Variants in GULP1 observed in about 807,000 individuals in gnomAD.
GULP1 encodes PTB domain-containing engulfment adapter protein 1.
Under a neutral mutation model 40.9 loss-of-function variants are expected in GULP1, and 19 were observed. The observed-to-expected ratio is 0.46, with a 90% CI of 0.32 to 0.68. The LOEUF (loss-of-function observed/expected upper bound fraction) is 0.68, where lower values mean the gene tolerates loss of function less well. Ranked by LOEUF, GULP1 falls within the 30% of genes least tolerant of loss-of-function variation. The pLI, the probability that GULP1 is intolerant of heterozygous loss-of-function variation, is 0.03. For synonymous variants in GULP1, 119 were observed against 117.6 expected (o/e 1.01, Z -0.08); for missense variants, 312 against 362.2 (o/e 0.86, Z 1.12).
chr2:188,526,105 A>G (rs1307901427), intron 5 of GULP1, among the ~76,000 whole-genome samples: 12 of 152,180 alleles, frequency 7.9e-5, no homozygotes, highest in Admixed American at 5.2e-4. Context: ...ATTATATAAT[A>G]AGATTGAAAC....
chr2:188,555,030 G>A (rs1053900805), intron 7 of GULP1, among the ~76,000 whole-genome samples: 1 of 151,966 alleles, frequency 6.6e-6, no homozygotes, highest in African/African-American at 2.4e-5. Flanking sequence ...GTCTATATGT[G>A]CCTATACTGG....
At chr2:188,458,402 T>C (rs1055470254) in intron 2 of GULP1, among the ~76,000 whole-genome samples, 9 of 152,190 alleles carry the variant, frequency 5.9e-5, no homozygotes, top group Non-Finnish European at 8.8e-5. Flanking sequence ...TCTGTTTCCA[T>C]TTAAAGCAAA....
At chr2:188,371,697 TAAGC>T (rs1051077467) in intron 1 of GULP1, among the ~76,000 whole-genome samples, 20 of 152,150 alleles carry the variant, frequency 1.3e-4, no homozygotes, top group African/African-American at 4.3e-4. Context: ...ATAATTAAGT[TAAGC>T]AAGCATTTAA....
chr2:188,300,798 A>G (rs575394259), intron 1 of GULP1, among the ~76,000 whole-genome samples: 1 of 152,312 alleles, frequency 6.6e-6, no homozygotes, highest in Non-Finnish European at 1.5e-5. Context: ...AAATCAGTTT[A>G]GTAGGTCTGG....
At chr2:188,294,589 AAAACAAACAAAC>A (rs764007504) in intron 1 of GULP1, among the ~76,000 whole-genome samples, 1 of 152,008 alleles carries the variant, frequency 6.6e-6, no homozygotes, top group South Asian at 2.1e-4. Flanking sequence ...TTAAATGGTT[AAAACAAACAAAC>A]AAACAAACAA....
At position 188,554,362 on chromosome 2, in the gene GULP1, AT is replaced by A. The variant is rs544742162; in HGVS notation, c.399+13053del. Reference sequence around the variant, plus strand: ...GTTTATGTTTCCATTTGTTTCAAGAATTTTTTTTTATTTCCATCTTAATTTC... The same window carrying A: ...GTTTATGTTTCCATTTGTTTCAAGAATTTTTTTTATTTCCATCTTAATTTC... On this transcript the variant is annotated intron_variant, in intron 7 of 11. Coordinates refer to ENST00000409830, the MANE Select transcript of GULP1 (RefSeq NM_016315.4). Among the ~76,000 whole-genome samples, 6 of 151,066 alleles carry A rather than the reference AT, an allele frequency of 4.0e-5. No individual in the cohort carries two copies. The East Asian group carries it at 7.8e-4, about 20-fold the overall frequency.
intron 2 of GULP1, among the ~76,000 whole-genome samples, chr2:188,422,167 G>T (rs2055527346): frequency 7.4e-6 from 1 of 134,346 alleles, no homozygotes; most frequent in African/African-American, 2.8e-5. Flanking sequence ...CAATCATGTT[G>T]TATATCTTTT....
chr2:188,355,460 A>C (rs1358298404), intron 1 of GULP1, among the ~76,000 whole-genome samples: 1 of 152,046 alleles, frequency 6.6e-6, no homozygotes, highest in Non-Finnish European at 1.5e-5. Context: ...AGAATATAGA[A>C]TCTATCAAGA....
At chr2:188,434,327 C>T (rs1367371662) in intron 2 of GULP1, among the ~76,000 whole-genome samples, 2 of 146,834 alleles carry the variant, frequency 1.4e-5, no homozygotes, top group East Asian at 2.0e-4. Flanking sequence ...GTTTCTTTTT[C>T]TTTTTTTTTT....
rs368030709 is a variant in GULP1, at chr2:188,396,217, G to A, written c.-45+12328G>A. On this transcript the variant is annotated intron_variant, in intron 2 of 11. Transcript: ENST00000409830. The stretch of plus-strand genomic sequence containing the variant: ...TCTGGTTTCTTAGGCAATTGGTGGG[G>A]TCATAGAACTGCCAAAATTTCTGTC... Among the ~76,000 whole-genome samples, 23 of 152,290 alleles carry A rather than the reference G, an allele frequency of 1.5e-4. No homozygotes were observed. In the East Asian group the frequency reaches 4.3e-3, roughly 28 times the overall value.
intron 7 of GULP1, among the ~76,000 whole-genome samples, chr2:188,557,284 A>C (rs1441417119): frequency 6.6e-6 from 1 of 152,206 alleles, no homozygotes. Context: ...CATCTGAGAC[A>C]AGGGAAGTCC....
rs138333772 is a variant in GULP1 at position 188,521,728 on chromosome 2, G to C, written c.91-1028G>C. Among the ~76,000 whole-genome samples the C allele has an allele frequency of 4.3e-4, 65 of 152,258 alleles. 1 individual carries two copies. The East Asian group carries it at 6.4e-3, about 15-fold the overall frequency. On this transcript the variant is annotated intron_variant, in intron 4 of 11. Coordinates refer to ENST00000409830, the MANE Select transcript of GULP1 (RefSeq NM_016315.4). ...GGAGCTACAATTCAAGATGAGATTT[G>C]GGTGAGGACACAGTCAAACCATATC...
chr2:188,542,568 A>T (rs1455691623), intron 7 of GULP1, among the ~76,000 whole-genome samples: 5 of 152,144 alleles, frequency 3.3e-5, no homozygotes, highest in Non-Finnish European at 7.4e-5. Flanking sequence ...TAATGTGCTA[A>T]GCTACTAGAT....
At chr2:188,445,384 A>G (rs2058298458) in intron 2 of GULP1, among the ~76,000 whole-genome samples, 1 of 152,168 alleles carries the variant, frequency 6.6e-6, no homozygotes, top group African/African-American at 2.4e-5. Flanking sequence ...ATGGCAGGAG[A>G]CCCAAATGGC....
chr2:188,454,842 G>A (rs11693105), intron 2 of GULP1, among the ~76,000 whole-genome samples: 1,693 of 152,162 alleles, frequency 0.011, 13 homozygotes, highest in Non-Finnish European at 0.019. Context: ...GAAAACCTTC[G>A]GCTGGGCATG....
At chr2:188,352,181 T>G (rs1485335767) in intron 1 of GULP1, among the ~76,000 whole-genome samples, 1 of 152,194 alleles carries the variant, frequency 6.6e-6, no homozygotes, top group Non-Finnish European at 1.5e-5. Flanking sequence ...ATTCTGGATG[T>G]TTCTGTGAGG....
At chr2:188,455,363 G>T (rs1179877767) in intron 2 of GULP1, among the ~76,000 whole-genome samples, 1 of 152,246 alleles carries the variant, frequency 6.6e-6, no homozygotes, top group East Asian at 1.9e-4. Flanking sequence ...CTCATCTTGA[G>T]TTGTAACTCC....
intron 9 of GULP1, among the ~76,000 whole-genome samples, chr2:188,570,826 C>G (rs1018193624): frequency 6.6e-6 from 1 of 152,072 alleles, no homozygotes; most frequent in Non-Finnish European, 1.5e-5. Flanking sequence ...TACTGATATT[C>G]TTTATTAAAG....
chr2:188,553,026 G>A (rs1693882288), intron 7 of GULP1, among the ~76,000 whole-genome samples: 1 of 151,554 alleles, frequency 6.6e-6, no homozygotes, highest in Non-Finnish European at 1.5e-5. Flanking sequence ...CCTGATTTTT[G>A]TACATTAATT....
Sources: gnomAD v4.1 joint callset for allele counts (sites outside exome capture counted in the v4.1 genomes callset) on GRCh38, gnomAD v4.1.1 for gene constraint, MANE v1.5 for transcripts, NCBI Gene and HGNC (gene_info 2026-07-23, HGNC 2026-07-21) for gene names.